The following HNF4A variants were observed in gnomAD, a reference collection of about 807,000 sequenced individuals.
HNF4A encodes hepatocyte nuclear factor 4-alpha.
Under a neutral mutation model 52.4 loss-of-function variants are expected in HNF4A, and 15 were observed. That is an observed-to-expected ratio of 0.29 (90% confidence interval 0.19 to 0.44). The LOEUF is 0.44. HNF4A is among the 20% of genes least tolerant of loss of function. HNF4A has a pLI of 1.00. For synonymous variants in HNF4A, 280 were observed against 264.4 expected, an observed-to-expected ratio of 1.06 and a Z score of -0.57; for missense variants, 479 against 647.2, an observed-to-expected ratio of 0.74 and a Z score of 2.82.
intron 8 of HNF4A, among the ~76,000 whole-genome samples, chr20:44,426,253 AG>A (rs1407401401): frequency 6.6e-6 from 1 of 152,040 alleles, no homozygotes; most frequent in African/African-American, 2.4e-5. Context: ...TGAAGAGAGG[AG>A]GGGAAGAGAG....
In HNF4A at chr20:44,418,519, C is replaced by A; in HGVS notation, c.736+7C>A. 6.2e-7 allele frequency: 1 copy of A among 1,607,878 alleles called. No homozygotes were observed. Among genetic ancestry groups the A allele is most frequent in the Non-Finnish European group, 8.5e-7 (1 of 1,177,218 alleles). Reference sequence around the variant, plus strand: ...AAGGACGTGCTGCTCCTAGGTGAGGCGGCTGCCTGCCCTGGCCAGGGCTCC... The same window carrying A: ...AAGGACGTGCTGCTCCTAGGTGAGGAGGCTGCCTGCCCTGGCCAGGGCTCC... On this transcript the variant is annotated splice_region_variant and intron_variant, in intron 6 of 9. Coordinates refer to ENST00000316099, the MANE Select transcript of HNF4A (RefSeq NM_000457.6).
intron 8 of HNF4A, among the ~76,000 whole-genome samples, chr20:44,426,461 G>A (rs1188984209): frequency 6.6e-6 from 1 of 151,984 alleles, no homozygotes; most frequent in Non-Finnish European, 1.5e-5. Flanking sequence ...TGACTGCAAG[G>A]GAGTGATTAG....
At chr20:44,356,335 C>T (rs1264319452) in intron 1 of HNF4A, among the ~76,000 whole-genome samples, 2 of 152,084 alleles carry the variant, frequency 1.3e-5, no homozygotes, top group Non-Finnish European at 1.5e-5. Context: ...TAGAAAGCGC[C>T]GCGCAGGGTG....
At position 44,417,414 on chromosome 20, in the gene HNF4A, C is replaced by T. The variant is rs1035933484; in HGVS notation, c.649-1011C>T. Among the ~76,000 whole-genome samples, 16 of 152,300 alleles carry T rather than the reference C, an allele frequency of 1.1e-4. No individual in the cohort carries two copies. The East Asian group carries it at 3.1e-3, about 29-fold the overall frequency. ...TACCCCCTGCAGAGAATGGTTTCAT[C>T]AAGCTGATTCTCTGCCAGGGGCCAG... On this transcript the variant is annotated intron_variant, in intron 5 of 9. Transcript: ENST00000316099.
rs866036382 is a variant in HNF4A, at chr20:44,424,789, A to G, written c.1129+535A>G. 5.2e-5 allele frequency: 16 copies of G among 305,754 alleles called. 1 individual carries two copies. In the Middle Eastern group the frequency reaches 7.1e-3, roughly 136 times the overall value. The allele number at this position is 305,754 out of a possible 1,614,324, so 18.9% of individuals were successfully genotyped here. A position where few individuals can be genotyped will look rare whatever the true frequency, so the allele number is the denominator to read the frequency against. On this transcript the variant is annotated intron_variant, in intron 8 of 9. Coordinates refer to ENST00000316099, the MANE Select transcript of HNF4A (RefSeq NM_000457.6). ...AGGAATATTCCAAGAAGAAGAAACT[A>G]CTTCAAGGGCTGCGGATAGGAGAGA...
At chr20:44,414,412 C>T in intron 4 of HNF4A, 95 bp from the exon 5 acceptor site, 1 of 1,569,566 alleles carries the variant, frequency 6.4e-7, no homozygotes, top group Non-Finnish European at 8.8e-7. Flanking sequence ...GCCCCCTCCC[C>T]ACATCTGATT....
At position 44,431,113 on chromosome 20, in the gene HNF4A, C is replaced by G. The variant is rs553377991; in HGVS notation, c.*1448C>G. On this transcript the variant is annotated 3_prime_UTR_variant, in exon 10 of 10. Coordinates refer to ENST00000316099, the MANE Select transcript of HNF4A (RefSeq NM_000457.6). ...GAAGTGATTTTTTTTCTGAAACTCA[C>G]ACAACTAGGAAGTGGCTGAGTCAGG... 6.8e-6 allele frequency: 1 copy of G among 147,878 alleles called. No homozygotes were observed. Among genetic ancestry groups the G allele is most frequent in the Non-Finnish European group, 1.5e-5 (1 of 66,916 alleles). The allele number at this position is 147,878 out of a possible 1,614,324, so 9.2% of individuals were successfully genotyped here. A position where few individuals can be genotyped will look rare whatever the true frequency, so the allele number is the denominator to read the frequency against.
At chr20:44,392,315 T>C (rs1199401517) in intron 1 of HNF4A, among the ~76,000 whole-genome samples, 8 of 152,124 alleles carry the variant, frequency 5.3e-5, no homozygotes, top group Admixed American at 5.2e-4. Flanking sequence ...TCGCTGAGGT[T>C]TTGACTAGTA....
chr20:44,377,106 T>TA (rs1318041255), intron 1 of HNF4A, among the ~76,000 whole-genome samples: 1 of 151,100 alleles, frequency 6.6e-6, no homozygotes, highest in Non-Finnish European at 1.5e-5. Flanking sequence ...TATACAGTCA[T>TA]AAAAAAGAAT....
chr20:44,363,701 C>A (rs1046646679), intron 1 of HNF4A, among the ~76,000 whole-genome samples: 3 of 145,274 alleles, frequency 2.1e-5, no homozygotes, highest in African/African-American at 7.7e-5. Context: ...GTTTCTCCAT[C>A]TACTCTTTTT....
chr20:44,402,565 G>A lies in HNF4A; in HGVS notation c.115+1078G>A, dbSNP rs372041644. 331 of 1,365,226 alleles carry A rather than the reference G, an allele frequency of 2.4e-4. No individual in the cohort carries two copies. In the African/African-American group the frequency reaches 4.3e-3, roughly 18 times the overall value. The allele number at this position is 1,365,226 out of a possible 1,614,324, so 84.6% of individuals were successfully genotyped here. On this transcript the variant is annotated intron_variant, in intron 1 of 9. Coordinates refer to ENST00000316099, the MANE Select transcript of HNF4A (RefSeq NM_000457.6). ...TTGTCTCTGAGCAGATTTTGTTGCC[G>A]CTGCGTCTCGCCAGATTGAGGCATC... is the stretch of plus-strand genomic sequence containing the variant.
chr20:44,420,426 T>C (rs1457594990), intron 7 of HNF4A, among the ~76,000 whole-genome samples: 1 of 152,172 alleles, frequency 6.6e-6, no homozygotes, highest in Non-Finnish European at 1.5e-5. Flanking sequence ...TCTTTCTCTT[T>C]ACTTCCCATC....
chr20:44,404,873 G>A (rs1181128594), intron 1 of HNF4A, among the ~76,000 whole-genome samples: 1 of 10,930 alleles, frequency 9.1e-5, no homozygotes, highest in East Asian at 3.9e-3. Flanking sequence ...GCGCGTGTGT[G>A]TGACTGCTTG....
chr20:44,429,456 C>T, intron 9 of HNF4A, 67 bp from the exon 10 acceptor site: 1 of 1,597,028 alleles, frequency 6.3e-7, no homozygotes, highest in Non-Finnish European at 8.6e-7. Context: ...CTTTCCCGGG[C>T]CTCTTCATTT....
At chr20:44,383,739 A>G (rs974467709) in intron 1 of HNF4A, among the ~76,000 whole-genome samples, 1 of 151,942 alleles carries the variant, frequency 6.6e-6, no homozygotes, top group Non-Finnish European at 1.5e-5. Context: ...TTTTAAGTAG[A>G]GACAGGATAT....
chr20:44,415,968 G>T (rs1291387844), intron 5 of HNF4A, among the ~76,000 whole-genome samples: 1 of 152,074 alleles, frequency 6.6e-6, no homozygotes, highest in Non-Finnish European at 1.5e-5. Context: ...AATCCCTCCT[G>T]TTCCTTCCCA....
At chr20:44,426,555 G>A (rs2063816592) in intron 8 of HNF4A, among the ~76,000 whole-genome samples, 2 of 152,120 alleles carry the variant, frequency 1.3e-5, no homozygotes, top group African/African-American at 2.4e-5. Context: ...TGTAATCCTA[G>A]CACTTTGGGA....
intron 1 of HNF4A, among the ~76,000 whole-genome samples, chr20:44,383,765 G>A (rs1318414602): frequency 6.6e-6 from 1 of 151,924 alleles, no homozygotes; most frequent in African/African-American, 2.4e-5. Context: ...TGTTGGCTAG[G>A]GTGGTCTTGA....
At chr20:44,364,928 A>T (rs946039464) in intron 1 of HNF4A, among the ~76,000 whole-genome samples, 2 of 152,220 alleles carry the variant, frequency 1.3e-5, no homozygotes, top group Non-Finnish European at 2.9e-5. Flanking sequence ...TTCTACTCAC[A>T]TTCCATTGGT....
Sources: allele counts gnomAD v4.1 joint callset (sites outside exome capture counted in the v4.1 genomes callset), GRCh38; gene constraint gnomAD v4.1.1; transcripts MANE v1.5; gene names NCBI Gene and HGNC (gene_info 2026-07-23, HGNC 2026-07-21).